GADL1: variants seen among roughly 807,000 people sequenced by gnomAD.
The protein encoded by GADL1 is GAD like acidic amino acid decarboxylase 1.
Under a neutral mutation model 69.5 loss-of-function variants are expected in GADL1, and 71 were observed. The ratio of observed to expected loss-of-function variants is 1.02; its 90% CI spans 0.84 to 1.25. GADL1 has a LOEUF of 1.25. GADL1 is among the 50% of genes most tolerant of loss of function. The pLI, the probability that GADL1 is intolerant of heterozygous loss-of-function variation, is 0.00. For missense variants in GADL1, 737 were observed against 631.8 expected (o/e 1.17, Z -1.79); for synonymous variants, 254 against 214.4 (o/e 1.18, Z -1.62).
rs772671014 is a variant in GADL1 at position 30,833,909 on chromosome 3, G to A, written c.994C>T (p.His332Tyr). ...HRADSVAWNP[H>Y]KMLMAGIQCC... ...TGGATCCCAGCCATCAGCATCTTGTGTGGGTTCCAGGCCACAGAGTCAGCC... is the reference window on the plus strand; with the variant it reads ...TGGATCCCAGCCATCAGCATCTTGTATGGGTTCCAGGCCACAGAGTCAGCC... The change falls in exon 11 of 15, where the codon CAC becomes TAC. Residue 332 changes from histidine (H) to tyrosine (Y), a missense_variant. Coordinates refer to ENST00000282538, the MANE Select transcript of GADL1 (RefSeq NM_207359.3). 1 of 1,612,716 alleles carries A rather than the reference G, an allele frequency of 6.2e-7. No homozygotes were observed.
intron 2 of GADL1, among the ~76,000 whole-genome samples, chr3:30,859,133 A>G (rs1698276845): frequency 6.6e-6 from 1 of 151,928 alleles, no homozygotes; most frequent in African/African-American, 2.4e-5. Flanking sequence ...TAGGAGGTGA[A>G]GAAACGGAGG....
intron 12 of GADL1, among the ~76,000 whole-genome samples, chr3:30,793,448 G>GGTTT (rs1696963758): frequency 6.6e-6 from 1 of 152,056 alleles, no homozygotes; most frequent in Non-Finnish European, 1.5e-5. Context: ...GGGACATAAT[G>GGTTT]CAGAAACCAT....
intron 14 of GADL1, among the ~76,000 whole-genome samples, chr3:30,730,283 A>T (rs1027067576): frequency 2.0e-5 from 3 of 152,178 alleles, no homozygotes; most frequent in Non-Finnish European, 4.4e-5. Flanking sequence ...GTAAAAAAAT[A>T]TGTAAAACAA....
chr3:30,827,100 T>C (rs1402344882), intron 11 of GADL1, among the ~76,000 whole-genome samples: 1 of 151,936 alleles, frequency 6.6e-6, no homozygotes, highest in Non-Finnish European at 1.5e-5. Context: ...TACTTCACAT[T>C]GTGGGTAAAA....
chr3:30,853,527 G>A (rs1189125281), intron 4 of GADL1, among the ~76,000 whole-genome samples: 1 of 152,018 alleles, frequency 6.6e-6, no homozygotes, highest in Non-Finnish European at 1.5e-5. Context: ...ATGCATTCTT[G>A]GATATTTTAA....
intron 13 of GADL1, among the ~76,000 whole-genome samples, chr3:30,785,507 G>A (rs144122957): frequency 0.016 from 2,484 of 151,120 alleles, 70 homozygotes; most frequent in African/African-American, 0.058. Flanking sequence ...TCAGCCTCCC[G>A]AGTAGCTGGG....
At chr3:30,810,428 T>TAGAG (rs1553640785) in intron 11 of GADL1, among the ~76,000 whole-genome samples, 5 of 152,168 alleles carry the variant, frequency 3.3e-5, no homozygotes, top group East Asian at 3.9e-4. Flanking sequence ...GATATATATA[T>TAGAG]AGAGAGAGAG....
intron 14 of GADL1, among the ~76,000 whole-genome samples, chr3:30,749,732 A>C (rs1480130946): frequency 6.6e-6 from 1 of 152,208 alleles, no homozygotes; most frequent in African/African-American, 2.4e-5. Flanking sequence ...AGGCAGGCAG[A>C]AGTCCTCTAC....
chr3:30,767,683 C>T (rs547934466), intron 14 of GADL1, among the ~76,000 whole-genome samples: 7 of 152,164 alleles, frequency 4.6e-5, no homozygotes, highest in African/African-American at 1.4e-4. Context: ...GTAACTTCAG[C>T]TTTGAAGCAG....
At chr3:30,889,085 A>T (rs13067989) in intron 1 of GADL1, among the ~76,000 whole-genome samples, 2,515 of 75,458 alleles carry the variant, frequency 0.033, 43 homozygotes, top group African/African-American at 0.11. Context: ...GGTAATCTAT[A>T]AAAAAAAAAA....
chr3:30,792,408 A>G (rs1696943057), intron 12 of GADL1, among the ~76,000 whole-genome samples: 1 of 152,114 alleles, frequency 6.6e-6, no homozygotes, highest in African/African-American at 2.4e-5. Flanking sequence ...CCCCATCTCT[A>G]CAAAGAATAC....
chr3:30,750,072 A>T (rs1452196722), intron 14 of GADL1, among the ~76,000 whole-genome samples: 2 of 152,214 alleles, frequency 1.3e-5, no homozygotes, highest in African/African-American at 4.8e-5. Context: ...ACAAGAATTT[A>T]CAAGTGACTC....
chr3:30,789,730 T>C (rs1696873777), intron 12 of GADL1, among the ~76,000 whole-genome samples: 1 of 152,208 alleles, frequency 6.6e-6, no homozygotes, highest in Non-Finnish European at 1.5e-5. Flanking sequence ...ACTTGCACTT[T>C]TATGTTATGA....
At chr3:30,878,715 A>G (rs748427701) in intron 1 of GADL1, among the ~76,000 whole-genome samples, 6 of 151,892 alleles carry the variant, frequency 4.0e-5, no homozygotes, top group Non-Finnish European at 5.9e-5. Context: ...TAGCTGAAGC[A>G]GTCAATTCCA....
At position 30,805,098 on chromosome 3, in the gene GADL1, C is replaced by T. The variant is rs776769334; in HGVS notation, c.1051-4010G>A. Among the ~76,000 whole-genome samples, 82 of 152,202 alleles carry T rather than the reference C, an allele frequency of 5.4e-4. 1 individual carries two copies. Among genetic ancestry groups the T allele is most frequent in the Non-Finnish European group, 1.5e-4 (10 of 68,030 alleles). On this transcript the variant is annotated intron_variant, in intron 11 of 14. Coordinates refer to ENST00000282538, the MANE Select transcript of GADL1 (RefSeq NM_207359.3). ...CTAGCGCACATAATAATGACCAGAGCTAACATTTATTGAGCTCTTACTATT... is the reference window on the plus strand; with the variant it reads ...CTAGCGCACATAATAATGACCAGAGTTAACATTTATTGAGCTCTTACTATT...
At chr3:30,752,818 CA>C (rs1475578417) in intron 14 of GADL1, among the ~76,000 whole-genome samples, 7 of 104,222 alleles carry the variant, frequency 6.7e-5, no homozygotes, top group Admixed American at 4.5e-4. Context: ...TGCTGGAAGA[CA>C]AGAGTTTTCT....
chr3:30,745,495 G>A (rs1240835091), intron 14 of GADL1, among the ~76,000 whole-genome samples: 1 of 152,152 alleles, frequency 6.6e-6, no homozygotes, highest in African/African-American at 2.4e-5. Flanking sequence ...ATGGACAAGG[G>A]ATAGAAAATA....
At chr3:30,786,432 TTATA>T (rs1468195781) in intron 12 of GADL1, 26 bp from the exon 13 acceptor site, 1 of 1,154,738 alleles carries the variant, frequency 8.7e-7, no homozygotes, top group Non-Finnish European at 1.3e-6. Flanking sequence ...ACAATAATAT[TTATA>T]ATCTGCAATG....
At chr3:30,845,400 CATT>C (rs1473997906) in intron 6 of GADL1, among the ~76,000 whole-genome samples, 1 of 151,936 alleles carries the variant, frequency 6.6e-6, no homozygotes, top group Non-Finnish European at 1.5e-5. Context: ...TGCTAAAGGA[CATT>C]ATTGTACCAA....
Sources: allele counts gnomAD v4.1 joint callset (sites outside exome capture counted in the v4.1 genomes callset), GRCh38; gene constraint gnomAD v4.1.1; transcripts MANE v1.5; gene names NCBI Gene and HGNC (gene_info 2026-07-23, HGNC 2026-07-21).